Variants in WDR41 observed in about 807,000 individuals in gnomAD.
WDR41 encodes WD repeat-containing protein 41.
In WDR41, 63 loss-of-function variants were observed where a neutral mutation model predicts 69.3. The observed-to-expected ratio is 0.91, with a 90% CI of 0.74 to 1.12. WDR41 has a LOEUF of 1.12. Ranked by LOEUF, WDR41 falls within the 50% of genes most tolerant of loss-of-function variation. WDR41 has a pLI of 0.00. For missense variants in WDR41, 543 were observed against 534.5 expected, an observed-to-expected ratio of 1.02 and a Z score of -0.16; for synonymous variants, 185 against 192.1, an observed-to-expected ratio of 0.96 and a Z score of 0.31.
chr5:77,510,167 C>T (rs552409334), intron 1 of WDR41, among the ~76,000 whole-genome samples: 1 of 152,186 alleles, frequency 6.6e-6, no homozygotes, highest in South Asian at 2.1e-4. Context: ...GGGAGGCCTC[C>T]CAATCATGGT....
At chr5:77,534,590 C>T (rs973870689) in intron 1 of WDR41, among the ~76,000 whole-genome samples, 20 of 152,140 alleles carry the variant, frequency 1.3e-4, no homozygotes, top group African/African-American at 3.1e-4. Context: ...TGCACCACCA[C>T]GCCTGGCTAA....
chr5:77,449,933 G>C, intron 7 of WDR41, 63 bp from the exon 8 acceptor site: 1 of 1,091,702 alleles, frequency 9.2e-7, no homozygotes, highest in Non-Finnish European at 1.4e-6. Context: ...TACTACTCCT[G>C]CTCTAAAAAC....
At chr5:77,461,202 C>T (rs887929302) in intron 4 of WDR41, among the ~76,000 whole-genome samples, 7 of 152,290 alleles carry the variant, frequency 4.6e-5, no homozygotes, top group Non-Finnish European at 1.0e-4. Flanking sequence ...TTTGCCTCTA[C>T]AGAGTAGTAA....
chr5:77,494,830 CCAA>C (rs1337009083), upstream of WDR41, among the ~76,000 whole-genome samples: 1 of 152,054 alleles, frequency 6.6e-6, no homozygotes, highest in Non-Finnish European at 1.5e-5. Context: ...AACACACTAC[CCAA>C]CAACATCAGC....
intron 1 of WDR41, among the ~76,000 whole-genome samples, chr5:77,609,781 C>A (rs1429429328): frequency 1.3e-5 from 2 of 152,240 alleles, no homozygotes; most frequent in African/African-American, 4.8e-5. Context: ...CAGTTCCTCA[C>A]CAGCAACGGA....
At chr5:77,454,546 C>T (rs1374606548) in intron 5 of WDR41, among the ~76,000 whole-genome samples, 5 of 152,150 alleles carry the variant, frequency 3.3e-5, no homozygotes, top group Admixed American at 3.3e-4. Flanking sequence ...TTCTCTGTAT[C>T]TTTAGAATAA....
intron 2 of WDR41, among the ~76,000 whole-genome samples, chr5:77,485,935 A>G (rs1027517975): frequency 2.0e-5 from 3 of 152,186 alleles, no homozygotes; most frequent in Non-Finnish European, 4.4e-5. Context: ...AACCTGGATT[A>G]TAACAGCTGA....
chr5:77,588,742 T>C (rs1011753862), intron 1 of WDR41, among the ~76,000 whole-genome samples: 6 of 152,226 alleles, frequency 3.9e-5, no homozygotes, highest in African/African-American at 1.4e-4. Flanking sequence ...CCAGTCACAA[T>C]ATTTGTGTCA....
intron 1 of WDR41, among the ~76,000 whole-genome samples, chr5:77,549,601 G>A (rs1029535284): frequency 6.6e-6 from 1 of 152,068 alleles, no homozygotes; most frequent in African/African-American, 2.4e-5. Context: ...ACTACAAAAT[G>A]CTGCTGAAAG....
chr5:77,611,443 TA>T (rs1490208199), intron 1 of WDR41, among the ~76,000 whole-genome samples: 3 of 151,942 alleles, frequency 2.0e-5, no homozygotes, highest in African/African-American at 7.2e-5. Flanking sequence ...GAACAGAAAC[TA>T]CAACAAACTG....
chr5:77,455,233 T>C (rs1799779880), intron 5 of WDR41, among the ~76,000 whole-genome samples: 1 of 152,260 alleles, frequency 6.6e-6, no homozygotes, highest in East Asian at 1.9e-4. Flanking sequence ...TAATGACTAA[T>C]GATGTTGAAC....
intron 1 of WDR41, chr5:77,582,961 A>G (rs1743968872): frequency 6.2e-7 from 1 of 1,607,998 alleles, no homozygotes; most frequent in South Asian, 1.1e-5. Flanking sequence ...TGAGATCTAT[A>G]CTGTTGGAAA....
chr5:77,612,072 C>A (rs557383065), intron 1 of WDR41, among the ~76,000 whole-genome samples: 2 of 152,144 alleles, frequency 1.3e-5, no homozygotes, highest in Non-Finnish European at 2.9e-5. Flanking sequence ...GACATATACA[C>A]CCTCCCAAGA....
At chr5:77,475,758 G>C (rs1800890499) in intron 2 of WDR41, among the ~76,000 whole-genome samples, 2 of 152,200 alleles carry the variant, frequency 1.3e-5, no homozygotes, top group South Asian at 2.1e-4. Flanking sequence ...CTAAAAAGCA[G>C]AGCGCCTCTC....
At chr5:77,472,240 C>T (rs1427108586) in intron 2 of WDR41, among the ~76,000 whole-genome samples, 4 of 152,180 alleles carry the variant, frequency 2.6e-5, no homozygotes, top group Admixed American at 2.0e-4. Flanking sequence ...ATGCTAAAAA[C>T]TCTCAATAAA....
chr5:77,533,627 G>A (rs1742905586), intron 1 of WDR41, among the ~76,000 whole-genome samples: 1 of 152,152 alleles, frequency 6.6e-6, no homozygotes, highest in African/African-American at 2.4e-5. Flanking sequence ...TGAAGGGATA[G>A]GAGCCTGAAA....
At chr5:77,516,397 A>G (rs78914505) in intron 1 of WDR41, among the ~76,000 whole-genome samples, 105 of 152,352 alleles carry the variant, frequency 6.9e-4, no homozygotes, top group African/African-American at 2.3e-3. Context: ...TAAAACATAT[A>G]CTTTTTCCGT....
intron 2 of WDR41, among the ~76,000 whole-genome samples, chr5:77,476,254 A>G (rs1365543245): frequency 6.6e-6 from 1 of 152,256 alleles, no homozygotes; most frequent in African/African-American, 2.4e-5. Context: ...ACTCTGCAGG[A>G]TATTATACAG....
At chr5:77,579,236 G>A (rs1306043706) in intron 1 of WDR41, among the ~76,000 whole-genome samples, 1 of 152,088 alleles carries the variant, frequency 6.6e-6, no homozygotes, top group African/African-American at 2.4e-5. Context: ...AAAAATATTA[G>A]AAGAAGCAAT....
Sources: allele counts gnomAD v4.1 joint callset (sites outside exome capture counted in the v4.1 genomes callset), GRCh38; gene constraint gnomAD v4.1.1; transcripts MANE v1.5; gene names NCBI Gene and HGNC (gene_info 2026-07-23, HGNC 2026-07-21).